The following SLC38A12 variants were observed in gnomAD, a reference collection of about 807,000 sequenced individuals.
SLC38A12 encodes putative sodium-coupled neutral amino acid transporter 12.
chr17:74,816,351 G>T, the SLC38A12 span, among the ~76,000 whole-genome samples: 1 of 152,230 alleles, frequency 6.6e-6, no homozygotes, highest in African/African-American at 2.4e-5. Flanking sequence ...AGAGATTGCT[G>T]GAAGTCTGGA....
chr17:74,831,404 G>GC, the SLC38A12 span, among the ~76,000 whole-genome samples: 1 of 152,192 alleles, frequency 6.6e-6, no homozygotes, highest in Non-Finnish European at 1.5e-5. Context: ...GTCCAGTTGG[G>GC]CCCATGGGTG....
At chr17:74,788,723 GT>G in the SLC38A12 span, 2 of 1,455,570 alleles carry the variant, frequency 1.4e-6, no homozygotes, top group Non-Finnish European at 9.5e-7. Flanking sequence ...TTACAATGGT[GT>G]TTTCCTTCTC....
the SLC38A12 span, among the ~76,000 whole-genome samples, chr17:74,787,971 T>A: frequency 6.6e-6 from 1 of 152,040 alleles, no homozygotes; most frequent in East Asian, 1.9e-4. Context: ...TTTTTTTGTA[T>A]TTTTAGTACA....
the SLC38A12 span, among the ~76,000 whole-genome samples, chr17:74,789,543 CAAAAAAAAAA>C: frequency 9.0e-6 from 1 of 110,708 alleles, no homozygotes; most frequent in East Asian, 2.9e-4. Flanking sequence ...GCAAGCATTT[CAAAAAAAAAA>C]AAAAAAAAGA....
chr17:74,811,818 G>A, the SLC38A12 span, among the ~76,000 whole-genome samples: 1 of 152,136 alleles, frequency 6.6e-6, no homozygotes, highest in Non-Finnish European at 1.5e-5. Context: ...GATCACTTGA[G>A]GCCAGGAGTT....
At chr17:74,826,664 A>G in the SLC38A12 span, among the ~76,000 whole-genome samples, 13 of 152,168 alleles carry the variant, frequency 8.5e-5, no homozygotes, top group African/African-American at 3.1e-4. Flanking sequence ...GTAGTCCCCA[A>G]AGGGAGCTCC....
At chr17:74,836,445 G>A in the SLC38A12 span, 284 of 1,608,076 alleles carry the variant, frequency 1.8e-4, 3 homozygotes, top group South Asian at 2.9e-3. The surrounding 1 kb of genome is among the most constrained non-coding windows in gnomAD (Gnocchi z 4.2). Flanking sequence ...CTGCACCCAC[G>A]ACCTGGAGTC....
chr17:74,800,309 G>A, the SLC38A12 span, among the ~76,000 whole-genome samples: 1 of 152,222 alleles, frequency 6.6e-6, no homozygotes, highest in Non-Finnish European at 1.5e-5. Flanking sequence ...GCCTTTGCAC[G>A]TCTGCCCATC....
the SLC38A12 span, among the ~76,000 whole-genome samples, chr17:74,808,517 G>T: frequency 6.6e-6 from 1 of 152,198 alleles, no homozygotes; most frequent in Non-Finnish European, 1.5e-5. Context: ...GCCTGGCAGT[G>T]CCAGTCCACT....
chr17:74,838,605 C>G, the SLC38A12 span: 1 of 1,316,322 alleles, frequency 7.6e-7, no homozygotes, highest in African/African-American at 1.5e-5. Context: ...CAGCAGTGAC[C>G]ACATCGCTGA....
the SLC38A12 span, among the ~76,000 whole-genome samples, chr17:74,826,030 A>G: frequency 3.9e-5 from 6 of 152,340 alleles, 1 homozygote; most frequent in East Asian, 9.6e-4. Context: ...AGCAGCCTGC[A>G]GGAAAGGTGA....
chr17:74,778,442 A>T, the SLC38A12 span, among the ~76,000 whole-genome samples: 2 of 152,132 alleles, frequency 1.3e-5, no homozygotes, highest in East Asian at 3.9e-4. Context: ...TAGCCTGGGG[A>T]TCTCTGGTCT....
the SLC38A12 span, among the ~76,000 whole-genome samples, chr17:74,826,778 C>T: frequency 6.6e-6 from 1 of 152,310 alleles, no homozygotes; most frequent in Non-Finnish European, 1.5e-5. Flanking sequence ...TCCTTTAGCC[C>T]CTCCCAGAGA....
the SLC38A12 span, among the ~76,000 whole-genome samples, chr17:74,810,709 C>A: frequency 1.3e-5 from 2 of 152,266 alleles, no homozygotes; most frequent in African/African-American, 4.8e-5. Flanking sequence ...TGCTCACCCT[C>A]TGCCCTGTCG....
chr17:74,776,899 A>G, the SLC38A12 span, among the ~76,000 whole-genome samples: 1 of 152,150 alleles, frequency 6.6e-6, no homozygotes, highest in Non-Finnish European at 1.5e-5. Flanking sequence ...CATGTGTGGT[A>G]GTGAGCTCCT....
chr17:74,838,156 C>G, the SLC38A12 span: 1 of 985,714 alleles, frequency 1.0e-6, no homozygotes, highest in African/African-American at 1.7e-5. Context: ...CTGGGAGAGT[C>G]CCTGCGTGGT....
At chr17:74,788,941 C>T in the SLC38A12 span, 5 of 1,422,500 alleles carry the variant, frequency 3.5e-6, no homozygotes, top group South Asian at 6.3e-5. Flanking sequence ...GTCTCAGCAG[C>T]CCATTCTTTT....
At chr17:74,837,645 G>A in the SLC38A12 span, 2 of 985,430 alleles carry the variant, frequency 2.0e-6, no homozygotes, top group Non-Finnish European at 2.4e-6. Flanking sequence ...GCTGAGCGTG[G>A]GTGCTCAGTG....
the SLC38A12 span, among the ~76,000 whole-genome samples, chr17:74,800,892 G>T: frequency 6.6e-6 from 1 of 152,344 alleles, no homozygotes; most frequent in African/African-American, 2.4e-5. Flanking sequence ...AGTCTAGTGG[G>T]TTGGCCCGTC....
Sources: gnomAD v4.1 joint callset for allele counts (sites outside exome capture counted in the v4.1 genomes callset) on GRCh38, gnomAD v4.1.1 for gene constraint, Gnocchi (gnomAD v3.1) non-coding constraint, MANE v1.5 for transcripts, NCBI Gene and HGNC (gene_info 2026-07-23, HGNC 2026-07-21) for gene names.